Variants in SLC22A25 observed in about 807,000 individuals in gnomAD.
SLC22A25 encodes the protein solute carrier family 22 member 25, also known as MGI:2442751, MGI:2385316, MGI:3042283, MGI:3645714, MGI:3605624, MGI:2442750.
SLC22A25 carries 44 observed loss-of-function variants against 45.9 expected under a neutral mutation model. The observed-to-expected ratio is 0.96, with a 90% confidence interval of 0.75 to 1.23. The LOEUF is 1.23. Among genes scored for constraint, SLC22A25 ranks in the 50% most tolerant of loss-of-function variants. The pLI, the probability that SLC22A25 is intolerant of heterozygous loss-of-function variation, is 0.00. For missense variants in SLC22A25, 800 were observed against 666.4 expected (o/e 1.20, Z -2.21); for synonymous variants, 283 against 238.6 (o/e 1.19, Z -1.72).
At chr11:63,192,126 A>T (rs2088837861) in intron 7 of SLC22A25, among the ~76,000 whole-genome samples, 3 of 152,230 alleles carry the variant, frequency 2.0e-5, no homozygotes. Context: ...CATTGGACTA[A>T]TAGTGGGCCT....
chr11:63,236,869 T>C (rs2090173561), intron 3 of SLC22A25, among the ~76,000 whole-genome samples: 1 of 152,240 alleles, frequency 6.6e-6, no homozygotes, highest in Admixed American at 6.5e-5. Context: ...AATGCTTTCA[T>C]CTTCTAACTA....
At chr11:63,240,968 A>T (rs531890229) in intron 1 of SLC22A25, among the ~76,000 whole-genome samples, 5 of 152,344 alleles carry the variant, frequency 3.3e-5, no homozygotes, top group Admixed American at 6.5e-5. Context: ...ACACAATGAG[A>T]CCATAAAAAA....
In SLC22A25 at chr11:63,161,897, AG is replaced by A. The variant is rs1214156438; in HGVS notation, c.*1926del. 6.6e-6 allele frequency among the ~76,000 whole-genome samples: 1 copy of A among 152,160 alleles called. No homozygotes were observed. Among genetic ancestry groups the A allele is most frequent in the African/African-American group, 2.4e-5 (1 of 41,442 alleles). ...TTTACATTCCCACCAACAGTGTATG[AG>A]GGTTCCCTTTTCTCCACATTCTCAC... On this transcript the variant is annotated 3_prime_UTR_variant, in exon 12 of 12. Coordinates refer to ENST00000306494, the MANE Select transcript of SLC22A25 (RefSeq NM_199352.6).
chr11:63,234,574 G>T (rs1037529122), intron 3 of SLC22A25, among the ~76,000 whole-genome samples: 9 of 152,158 alleles, frequency 5.9e-5, no homozygotes, highest in Non-Finnish European at 1.3e-4. Flanking sequence ...ACACTGATGG[G>T]TCTTGACTCT....
intron 3 of SLC22A25, among the ~76,000 whole-genome samples, chr11:63,230,986 T>C (rs1034377249): frequency 3.9e-5 from 6 of 152,240 alleles, no homozygotes; most frequent in Admixed American, 2.6e-4. Flanking sequence ...GAACTCATCA[T>C]TTTTTATGGC....
At chr11:63,224,466 G>A (rs2089916432) in intron 5 of SLC22A25, among the ~76,000 whole-genome samples, 1 of 151,968 alleles carries the variant, frequency 6.6e-6, no homozygotes, top group African/African-American at 2.4e-5. Context: ...TCCTGCCATT[G>A]TGTTATTTAT....
intron 7 of SLC22A25, among the ~76,000 whole-genome samples, chr11:63,193,356 G>A (rs929281134): frequency 2.0e-5 from 3 of 152,224 alleles, no homozygotes; most frequent in African/African-American, 4.8e-5. Context: ...CCTGAACCCC[G>A]AGTAGCCTAA....
chr11:63,191,878 G>C (rs532406394), intron 7 of SLC22A25, among the ~76,000 whole-genome samples: 19 of 152,286 alleles, frequency 1.2e-4, no homozygotes, highest in African/African-American at 4.6e-4. Flanking sequence ...TGGAAGAATG[G>C]AACCAACTTG....
intron 7 of SLC22A25, among the ~76,000 whole-genome samples, chr11:63,199,723 A>G (rs2089176958): frequency 6.6e-6 from 1 of 152,122 alleles, no homozygotes; most frequent in Non-Finnish European, 1.5e-5. Context: ...ATTGCAAGGC[A>G]TTGTGGGTTG....
intron 3 of SLC22A25, among the ~76,000 whole-genome samples, chr11:63,235,909 C>T (rs898133199): frequency 1.3e-5 from 2 of 152,152 alleles, no homozygotes; most frequent in Admixed American, 6.5e-5. Context: ...GGAGCTCTAC[C>T]CCAGAGCCTG....
chr11:63,232,911 G>A (rs1379066219), intron 3 of SLC22A25, among the ~76,000 whole-genome samples: 1 of 152,100 alleles, frequency 6.6e-6, no homozygotes, highest in Non-Finnish European at 1.5e-5. Context: ...TTTGTCTTTG[G>A]TTCTGTTTTT....
intron 7 of SLC22A25, among the ~76,000 whole-genome samples, chr11:63,209,520 C>G (rs551770775): frequency 1.1e-4 from 17 of 152,192 alleles, no homozygotes; most frequent in African/African-American, 3.9e-4. Flanking sequence ...ACAGAAGCCC[C>G]CGTTAGAAAA....
chr11:63,165,944 A>G (rs941919849), intron 10 of SLC22A25, 100 bp downstream of exon 10: 14 of 1,400,298 alleles, frequency 1.0e-5, no homozygotes, highest in Non-Finnish European at 1.3e-5. Flanking sequence ...TGAGAACTCA[A>G]TTCTCCCTTT....
At chr11:63,235,685 G>A (rs1283892905) in intron 3 of SLC22A25, among the ~76,000 whole-genome samples, 1 of 152,240 alleles carries the variant, frequency 6.6e-6, no homozygotes, top group Non-Finnish European at 1.5e-5. Context: ...TGTTGCTGGT[G>A]AGGAGCTGCG....
chr11:63,238,488 T>C (rs1213920210), intron 2 of SLC22A25, among the ~76,000 whole-genome samples: 2 of 152,190 alleles, frequency 1.3e-5, no homozygotes, highest in African/African-American at 4.8e-5. Context: ...TAAACTTTGG[T>C]CTTCCCAAGA....
intron 5 of SLC22A25, among the ~76,000 whole-genome samples, chr11:63,220,761 C>T (rs1000827507): frequency 1.3e-5 from 2 of 152,124 alleles, no homozygotes; most frequent in African/African-American, 2.4e-5. Context: ...CCACTTTCCC[C>T]CTGACACACC....
At chr11:63,213,337 C>T (rs749362594) in intron 7 of SLC22A25, among the ~76,000 whole-genome samples, 5 of 152,146 alleles carry the variant, frequency 3.3e-5, no homozygotes, top group Non-Finnish European at 4.4e-5. Flanking sequence ...GTAAAAAAAG[C>T]CCTTCTTTTT....
intron 5 of SLC22A25, among the ~76,000 whole-genome samples, chr11:63,222,922 C>T (rs1372891822): frequency 6.6e-6 from 1 of 151,796 alleles, no homozygotes; most frequent in Non-Finnish European, 1.5e-5. Context: ...TATAATGTAT[C>T]ACATCAATTG....
chr11:63,211,124 C>T (rs188263801), intron 7 of SLC22A25, among the ~76,000 whole-genome samples: 8 of 152,176 alleles, frequency 5.3e-5, no homozygotes, highest in Non-Finnish European at 7.4e-5. Context: ...GAGGAAAACC[C>T]CCCTGGACTT....
Sources: gnomAD v4.1 joint callset for allele counts (sites outside exome capture counted in the v4.1 genomes callset) on GRCh38, gnomAD v4.1.1 for gene constraint, MANE v1.5 for transcripts, NCBI Gene and HGNC (gene_info 2026-07-23, HGNC 2026-07-21) for gene names.